SOX5: variants seen among roughly 807,000 people sequenced by gnomAD.
SOX5 encodes SRY-box transcription factor 5.
A neutral mutation model predicts 92.0 loss-of-function variants in SOX5; 9 were observed. The ratio of observed to expected loss-of-function variants is 0.10; its 90% CI spans 0.06 to 0.17. The LOEUF (loss-of-function observed/expected upper bound fraction) is 0.17. SOX5 is among the 10% of genes least tolerant of loss of function. SOX5 has a pLI of 1.00. For missense variants in SOX5, 642 were observed against 944.5 expected (o/e 0.68, Z 4.20); for synonymous variants, 344 against 336.3 (o/e 1.02, Z -0.25).
At chr12:24,458,413 T>G (rs577625105) in intron 1 of SOX5, among the ~76,000 whole-genome samples, 6 of 152,186 alleles carry the variant, frequency 3.9e-5, no homozygotes, top group Non-Finnish European at 8.8e-5. Context: ...GGCATTTTTT[T>G]TCTTCATCTT....
intron 4 of SOX5, among the ~76,000 whole-genome samples, chr12:24,030,591 C>T (rs886570519): frequency 6.6e-6 from 1 of 151,928 alleles, no homozygotes; most frequent in Non-Finnish European, 1.5e-5. Flanking sequence ...TGCAAACCTA[C>T]AAGAAGAAAA....
chr12:23,602,067 TA>T (rs1167180277), intron 9 of SOX5, among the ~76,000 whole-genome samples: 1 of 152,180 alleles, frequency 6.6e-6, no homozygotes, highest in Non-Finnish European at 1.5e-5. Flanking sequence ...TCTTAAACTT[TA>T]TATGATAGAA....
At chr12:23,805,233 C>T (rs1237603429) in intron 3 of SOX5, among the ~76,000 whole-genome samples, 1 of 151,468 alleles carries the variant, frequency 6.6e-6, no homozygotes, top group Non-Finnish European at 1.5e-5. Flanking sequence ...GAGATAAAAT[C>T]CTGCTTTTAC....
At chr12:23,976,818 T>G (rs1948970974) in intron 4 of SOX5, among the ~76,000 whole-genome samples, 1 of 148,758 alleles carries the variant, frequency 6.7e-6, no homozygotes, top group African/African-American at 2.5e-5. Context: ...GTTGTTGTTG[T>G]TTTTTTTTTT....
intron 4 of SOX5, among the ~76,000 whole-genome samples, chr12:23,960,120 G>A (rs1398141117): frequency 6.6e-6 from 1 of 152,034 alleles, no homozygotes; most frequent in Non-Finnish European, 1.5e-5. Flanking sequence ...GGTCCTAGAA[G>A]AAAAGAATTG....
intron 8 of SOX5, among the ~76,000 whole-genome samples, chr12:23,623,800 A>G (rs1006425780): frequency 6.6e-6 from 1 of 152,164 alleles, no homozygotes; most frequent in African/African-American, 2.4e-5. Context: ...AGAAACATAC[A>G]ATTACCACAT....
At chr12:24,504,160 T>A (rs1948499927) in intron 1 of SOX5, among the ~76,000 whole-genome samples, 1 of 152,156 alleles carries the variant, frequency 6.6e-6, no homozygotes. Flanking sequence ...GCCCACTAAT[T>A]TTTCTACAGA....
intron 4 of SOX5, among the ~76,000 whole-genome samples, chr12:24,191,557 C>A (rs1170002143): frequency 1.3e-5 from 2 of 152,208 alleles, no homozygotes; most frequent in African/African-American, 4.8e-5. Context: ...ACCTGTCTGA[C>A]CAGATACGTT....
chr12:23,546,231 C>T, intron 12 of SOX5, 85 bp downstream of exon 12: 1 of 758,236 alleles, frequency 1.3e-6, no homozygotes, highest in Admixed American at 2.0e-5. Flanking sequence ...AGGTGGCTGT[C>T]TAGTCTATTT....
chr12:23,587,419 T>C (rs979413363), intron 9 of SOX5, among the ~76,000 whole-genome samples: 13 of 152,126 alleles, frequency 8.5e-5, no homozygotes, highest in African/African-American at 3.1e-4. Context: ...TAGGCAACTT[T>C]TCAAAGCTGC....
At chr12:24,032,550 T>G (rs1955615489) in intron 4 of SOX5, among the ~76,000 whole-genome samples, 1 of 151,896 alleles carries the variant, frequency 6.6e-6, no homozygotes, top group African/African-American at 2.4e-5. Flanking sequence ...ATAGCAAATT[T>G]TGTATGAAGA....
chr12:23,953,135 C>T (rs1218715599), upstream of SOX5, among the ~76,000 whole-genome samples: 1 of 151,940 alleles, frequency 6.6e-6, no homozygotes, highest in Non-Finnish European at 1.5e-5. Flanking sequence ...CATTTGAATC[C>T]TATATTGAAA....
chr12:23,835,636 A>G (rs949338739), intron 3 of SOX5, among the ~76,000 whole-genome samples: 12 of 151,982 alleles, frequency 7.9e-5, no homozygotes, highest in African/African-American at 2.9e-4. Context: ...CTTTAGTAGA[A>G]AACTACTGAT....
intron 1 of SOX5, among the ~76,000 whole-genome samples, chr12:23,933,302 G>A (rs1200080082): frequency 6.6e-6 from 1 of 151,496 alleles, no homozygotes; most frequent in African/African-American, 2.4e-5. Context: ...TTATCAGATG[G>A]AAAAAACATA....
chr12:24,016,700 T>C (rs1346155437), intron 4 of SOX5, among the ~76,000 whole-genome samples: 1 of 152,188 alleles, frequency 6.6e-6, no homozygotes, highest in Non-Finnish European at 1.5e-5. Flanking sequence ...CGTCCGCCTT[T>C]TGGAAATGTG....
intron 8 of SOX5, among the ~76,000 whole-genome samples, chr12:23,635,554 A>T (rs1276955773): frequency 1.3e-5 from 2 of 152,118 alleles, no homozygotes; most frequent in African/African-American, 4.8e-5. Context: ...GGAGAGCATT[A>T]GGAGATATAC....
intron 2 of SOX5, among the ~76,000 whole-genome samples, chr12:24,284,554 C>T (rs960232380): frequency 3.9e-5 from 6 of 152,072 alleles, no homozygotes; most frequent in Non-Finnish European, 8.8e-5. Context: ...CAACCACATC[C>T]AAATTTCAGC....
chr12:24,350,635 C>T (rs1023277374), intron 2 of SOX5, among the ~76,000 whole-genome samples: 2 of 152,122 alleles, frequency 1.3e-5, no homozygotes, highest in Non-Finnish European at 2.9e-5. Context: ...TGAGCCACTG[C>T]GCCTGGCCTG....
intron 4 of SOX5, among the ~76,000 whole-genome samples, chr12:24,084,841 C>T (rs1943775229): frequency 6.6e-6 from 1 of 152,096 alleles, no homozygotes; most frequent in Admixed American, 6.6e-5. Context: ...ATTAATACTA[C>T]AAATGATACA....
Sources: gnomAD v4.1 joint callset for allele counts (sites outside exome capture counted in the v4.1 genomes callset) on GRCh38, gnomAD v4.1.1 for gene constraint, MANE v1.5 for transcripts, NCBI Gene and HGNC (gene_info 2026-07-23, HGNC 2026-07-21) for gene names.